The following FARSB variants were observed in gnomAD, a reference collection of about 807,000 sequenced individuals.
FARSB encodes phenylalanyl-tRNA synthetase subunit beta.
FARSB carries 40 observed loss-of-function variants against 69.6 expected under a neutral mutation model. The ratio of observed to expected loss-of-function variants is 0.57; its 90% CI spans 0.45 to 0.75. The LOEUF is 0.75. FARSB is among the 30% of genes least tolerant of loss of function. The pLI, the probability that FARSB is intolerant of heterozygous loss-of-function variation, is 0.00. For synonymous variants in FARSB, 235 were observed against 247.2 expected (o/e 0.95, Z 0.46); for missense variants, 632 against 722.9 (o/e 0.87, Z 1.44).
chr2:222,568,470 A>G lies in FARSB; in HGVS notation c.*3401T>C, dbSNP rs1428786465. Reference sequence around the variant, plus strand: ...TCTGAAACTCAACTGTTTTCACCCTACACATCAGGGAGAATTCCTACTCTC... The same window carrying G: ...TCTGAAACTCAACTGTTTTCACCCTGCACATCAGGGAGAATTCCTACTCTC... On this transcript the variant is annotated 3_prime_UTR_variant, in exon 17 of 17. Coordinates refer to ENST00000281828, the MANE Select transcript of FARSB (RefSeq NM_005687.5). The surrounding 1 kb of genome is among the most constrained non-coding windows in gnomAD (Gnocchi z 4.3). 1 of 152,174 alleles carries G rather than the reference A, an allele frequency of 6.6e-6. No individual in the cohort carries two copies. Among genetic ancestry groups the G allele is most frequent in the Non-Finnish European group, 1.5e-5 (1 of 68,024 alleles). 9.4% of individuals were successfully genotyped at this position (152,174 alleles called of 1,614,324 possible). A position where few individuals can be genotyped will look rare whatever the true frequency, so the allele number is the denominator to read the frequency against.
chr2:222,644,634 C>T, intron 2 of FARSB: 2 of 404,782 alleles, frequency 4.9e-6, no homozygotes. Context: ...TCAGCAGCAC[C>T]CCCTTATCCA....
intron 3 of FARSB, among the ~76,000 whole-genome samples, chr2:222,642,287 C>T (rs1010286617): frequency 6.6e-6 from 1 of 152,238 alleles, no homozygotes; most frequent in African/African-American, 2.4e-5. Context: ...GGGCATGAGC[C>T]ACCATGTCCA....
chr2:222,652,696 G>A (rs533772288), intron 1 of FARSB, among the ~76,000 whole-genome samples: 1 of 152,338 alleles, frequency 6.6e-6, no homozygotes, highest in Admixed American at 6.5e-5. Flanking sequence ...GTTAGGCCTT[G>A]AGATGACTAC....
intron 5 of FARSB, among the ~76,000 whole-genome samples, chr2:222,636,641 T>A (rs1691589718): frequency 6.6e-6 from 1 of 152,114 alleles, no homozygotes; most frequent in African/African-American, 2.4e-5. Context: ...GAAATCAAGG[T>A]TTTATCTAAC....
At chr2:222,633,083 T>C in intron 7 of FARSB, 116 bp downstream of exon 7, 1 of 685,300 alleles carries the variant, frequency 1.5e-6, no homozygotes, top group Non-Finnish European at 2.6e-6. Flanking sequence ...AGACCTGAGA[T>C]ACTCAGATTA....
At chr2:222,601,109 G>A (rs906558354) in intron 15 of FARSB, among the ~76,000 whole-genome samples, 3 of 152,068 alleles carry the variant, frequency 2.0e-5, no homozygotes, top group African/African-American at 4.8e-5. Context: ...TAGCTGCCAG[G>A]GGTTGGAGGG....
chr2:222,636,846 T>A (rs1361229883), intron 5 of FARSB, among the ~76,000 whole-genome samples: 1 of 152,086 alleles, frequency 6.6e-6, no homozygotes, highest in Non-Finnish European at 1.5e-5. Flanking sequence ...TCTATATGCA[T>A]CAAAAGGCAA....
intron 15 of FARSB, among the ~76,000 whole-genome samples, chr2:222,601,409 T>A (rs767581946): frequency 4.6e-5 from 7 of 151,498 alleles, no homozygotes; most frequent in Non-Finnish European, 7.4e-5. Context: ...ATACCCCATC[T>A]CTACAATAAT....
At chr2:222,652,000 T>C (rs1275545647) in intron 1 of FARSB, among the ~76,000 whole-genome samples, 2 of 152,192 alleles carry the variant, frequency 1.3e-5, no homozygotes, top group East Asian at 3.9e-4. Flanking sequence ...AGAATTGCCA[T>C]GGACCAATGA....
intron 14 of FARSB, among the ~76,000 whole-genome samples, chr2:222,619,406 G>C (rs552734768): frequency 1.2e-4 from 18 of 151,768 alleles, no homozygotes; most frequent in Admixed American, 3.9e-4. Flanking sequence ...GATTGGGCCA[G>C]ATAATACAAA....
intron 15 of FARSB, among the ~76,000 whole-genome samples, chr2:222,611,333 G>A (rs1001645934): frequency 6.6e-6 from 1 of 151,536 alleles, no homozygotes; most frequent in Non-Finnish European, 1.5e-5. Flanking sequence ...CCTTCCCAAC[G>A]AAACAAAGTA....
chr2:222,596,248 C>T (rs1443233869), intron 16 of FARSB, among the ~76,000 whole-genome samples: 2 of 152,200 alleles, frequency 1.3e-5, no homozygotes, highest in South Asian at 2.1e-4. Context: ...AGCAAGGTTA[C>T]GCTCCAATGT....
chr2:222,654,628 G>C (rs1692124083), intron 1 of FARSB, among the ~76,000 whole-genome samples: 1 of 152,162 alleles, frequency 6.6e-6, no homozygotes, highest in Non-Finnish European at 1.5e-5. Context: ...CAAGTACAAA[G>C]GGTAAGAGTA....
chr2:222,584,273 A>G (rs1213770803), intron 16 of FARSB, among the ~76,000 whole-genome samples: 3 of 152,222 alleles, frequency 2.0e-5, no homozygotes, highest in Non-Finnish European at 4.4e-5. Context: ...ATTTCAAAAT[A>G]AAAAATTAAC....
chr2:222,643,643 G>A (rs1691776653), intron 2 of FARSB, among the ~76,000 whole-genome samples: 1 of 152,144 alleles, frequency 6.6e-6, no homozygotes, highest in Admixed American at 6.5e-5. Context: ...GAGAATGAGA[G>A]GGGTAGTATA....
At chr2:222,645,177 A>G (rs1291546970) in intron 2 of FARSB, among the ~76,000 whole-genome samples, 1 of 152,204 alleles carries the variant, frequency 6.6e-6, no homozygotes, top group Non-Finnish European at 1.5e-5. Flanking sequence ...CTTATTTCAC[A>G]AATGAAAAGG....
At chr2:222,598,913 T>C (rs1184585350) in intron 16 of FARSB, among the ~76,000 whole-genome samples, 1 of 150,526 alleles carries the variant, frequency 6.6e-6, no homozygotes, top group East Asian at 1.9e-4. Flanking sequence ...AAGAAACAAC[T>C]TCCTGCTTAT....
intron 5 of FARSB, among the ~76,000 whole-genome samples, chr2:222,636,505 T>C (rs1691586186): frequency 6.6e-6 from 1 of 150,956 alleles, no homozygotes. Context: ...TATACCCAAA[T>C]TAAAAACCTT....
intron 16 of FARSB, among the ~76,000 whole-genome samples, chr2:222,597,915 C>A (rs977675121): frequency 1.2e-4 from 19 of 152,226 alleles, no homozygotes; most frequent in Non-Finnish European, 1.0e-4. Context: ...TAATGCTTTT[C>A]TCCTAACTAG....
Sources: allele counts gnomAD v4.1 joint callset (sites outside exome capture counted in the v4.1 genomes callset), GRCh38; gene constraint gnomAD v4.1.1; non-coding constraint Gnocchi (gnomAD v3.1); transcripts MANE v1.5; gene names NCBI Gene and HGNC (gene_info 2026-07-23, HGNC 2026-07-21).